PLEKHG1: variants seen among roughly 807,000 people sequenced by gnomAD.
PLEKHG1 encodes pleckstrin homology and RhoGEF domain containing G1.
In PLEKHG1, 44 loss-of-function variants were observed where a neutral mutation model predicts 100.8. The ratio of observed to expected loss-of-function variants is 0.44; its 90% CI spans 0.34 to 0.56. The LOEUF (loss-of-function observed/expected upper bound fraction) is 0.56, where lower values mean the gene tolerates loss of function less well. Ranked by LOEUF, PLEKHG1 falls within the 20% of genes least tolerant of loss-of-function variation. The pLI, the probability that PLEKHG1 is intolerant of heterozygous loss-of-function variation, is 0.01. For missense variants in PLEKHG1, 1,545 were observed against 1,720.9 expected (o/e 0.90, Z 1.81); for synonymous variants, 640 against 662.5 (o/e 0.97, Z 0.52).
chr6:150,804,247 C>A (rs1188659705), intron 6 of PLEKHG1, among the ~76,000 whole-genome samples: 4 of 126,684 alleles, frequency 3.2e-5, no homozygotes, highest in Non-Finnish European at 4.7e-5. Flanking sequence ...AGTGCAGTGG[C>A]CTGATCTCAG....
chr6:150,724,765 T>C (rs528977968), intron 1 of PLEKHG1, among the ~76,000 whole-genome samples: 50 of 152,258 alleles, frequency 3.3e-4, no homozygotes, highest in African/African-American at 9.1e-4. Flanking sequence ...TTCATCATGT[T>C]GGCCAGGCTG....
intron 10 of PLEKHG1, 120 bp downstream of exon 11, chr6:150,809,854 G>T: frequency 1.8e-6 from 1 of 566,340 alleles, no homozygotes; most frequent in Non-Finnish European, 3.0e-6. Flanking sequence ...GGGCGACAGA[G>T]TGAGACTGTC....
intron 3 of PLEKHG1, among the ~76,000 whole-genome samples, chr6:150,697,283 A>G (rs1780583576): frequency 6.6e-6 from 1 of 152,214 alleles, no homozygotes; most frequent in South Asian, 2.1e-4. Context: ...TAAAGTTTCC[A>G]CTGCTGAGTG....
rs1377049802 is a variant in PLEKHG1, at chr6:150,650,286, A to G, written c.-157-442A>G. Among the ~76,000 whole-genome samples, 5 of 152,280 alleles carry G rather than the reference A, an allele frequency of 3.3e-5. No homozygotes were observed. The East Asian group carries it at 9.6e-4, about 29-fold the overall frequency. The stretch of plus-strand genomic sequence containing the variant: ...GCTGCGGTGGAGAAGGATTGAAATC[A>G]GAGCCTCTCCTTCCATTCCCTGCTT... On this transcript the variant is annotated intron_variant, in intron 2 of 3. Transcript: ENST00000367326.
intron 12 of PLEKHG1, 57 bp downstream of exon 13, chr6:150,819,831 C>T (rs1401418318): frequency 1.1e-6 from 1 of 949,442 alleles, no homozygotes; most frequent in East Asian, 2.4e-5. Context: ...CAATGAAAGT[C>T]CCTTTGAGTC....
intron 11 of PLEKHG1, among the ~76,000 whole-genome samples, chr6:150,818,714 C>T (rs1015547195): frequency 6.6e-6 from 1 of 152,282 alleles, no homozygotes; most frequent in East Asian, 1.9e-4. Flanking sequence ...TGTTACAGGT[C>T]CTTCCTATTA....
intron 3 of PLEKHG1, among the ~76,000 whole-genome samples, chr6:150,688,753 A>G (rs4869931): frequency 0.3 from 44,953 of 152,132 alleles, 8,227 homozygotes; most frequent in African/African-American, 0.52. Context: ...CTATGCTAAC[A>G]TGTAAGAGAT....
At chr6:150,689,661 G>A (rs1293309298) in intron 3 of PLEKHG1, among the ~76,000 whole-genome samples, 1 of 152,050 alleles carries the variant, frequency 6.6e-6, no homozygotes, top group Non-Finnish European at 1.5e-5. Flanking sequence ...TCAGGAGTTC[G>A]AGACCAGCCT....
Position 150,830,792 on chromosome 6 carries a change from A to G in PLEKHG1, c.1681A>G (p.Met561Val), listed in dbSNP as rs780989573. The stretch of plus-strand genomic sequence containing the variant: ...TGAGGATGATGAAGATGATTATCAG[A>G]TGTTCGTGCCGTCATTTTCCTCCTC... Residue 561 changes from methionine to valine, a missense_variant, in exon 15 of 16, where the codon ATG (methionine) becomes GTG (valine). By Grantham distance (21) the Met-to-Val change is conservative. Coordinates refer to ENST00000358517, the Ensembl canonical transcript of PLEKHG1. 10 of 1,614,108 alleles carry G rather than the reference A, an allele frequency of 6.2e-6. No homozygotes were observed. In the South Asian group the frequency reaches 1.1e-4, roughly 18 times the overall value.
At chr6:150,658,165 A>G (rs1779042682) in intron 3 of PLEKHG1, among the ~76,000 whole-genome samples, 12 of 152,178 alleles carry the variant, frequency 7.9e-5, no homozygotes, top group Admixed American at 7.8e-4. Flanking sequence ...CAGGGTAGGC[A>G]TACTTCAGAA....
chr6:150,783,301 T>G (rs1028949760), intron 3 of PLEKHG1, among the ~76,000 whole-genome samples: 7 of 151,170 alleles, frequency 4.6e-5, no homozygotes, highest in Non-Finnish European at 1.0e-4. Context: ...AGATCCAATA[T>G]GTGAGTAATA....
intron 15 of PLEKHG1, among the ~76,000 whole-genome samples, chr6:150,832,555 T>TAGG (rs1347098616): frequency 2.0e-5 from 3 of 152,166 alleles, no homozygotes; most frequent in African/African-American, 7.2e-5. Context: ...AGTAATTTTT[T>TAGG]AGGAGGAGGA....
chr6:150,756,757 G>A (rs967168751), intron 2 of PLEKHG1, among the ~76,000 whole-genome samples: 1 of 152,080 alleles, frequency 6.6e-6, no homozygotes, highest in African/African-American at 2.4e-5. Context: ...ACAGTTTCAA[G>A]TCATTTAGCA....
At chr6:150,726,679 T>G (rs1781979257) in intron 1 of PLEKHG1, among the ~76,000 whole-genome samples, 1 of 152,170 alleles carries the variant, frequency 6.6e-6, no homozygotes, top group South Asian at 2.1e-4. Context: ...TTTTCACTCC[T>G]TGGTTCCTTC....
intron 10 of PLEKHG1, among the ~76,000 whole-genome samples, chr6:150,809,967 G>T (rs372975742): frequency 1.5e-4 from 23 of 151,140 alleles, no homozygotes; most frequent in African/African-American, 5.1e-4. Flanking sequence ...TACTAATGAA[G>T]CCCAGCAAGG....
At chr6:150,709,895 C>T (rs1269644552) in intron 3 of PLEKHG1, among the ~76,000 whole-genome samples, 3 of 152,170 alleles carry the variant, frequency 2.0e-5, no homozygotes, top group Non-Finnish European at 4.4e-5. Flanking sequence ...AAGTGATCCT[C>T]CCACCTCAGC....
exon 16 of PLEKHG1, chr6:150,843,453 C>A (rs772124889): frequency 1.3e-5 from 2 of 152,102 alleles, no homozygotes; most frequent in African/African-American, 4.8e-5. Context: ...ATGTATATAA[C>A]GAGGAAAAGT....
intron 1 of PLEKHG1, among the ~76,000 whole-genome samples, chr6:150,626,802 GTGTGTGTGTATGTGTA>G (rs1432423551): frequency 6.6e-6 from 1 of 152,016 alleles, no homozygotes; most frequent in Non-Finnish European, 1.5e-5. Context: ...ATACCACACT[GTGTGTGTGTATGTGTA>G]TGTGTGTGTG....
intron 10 of PLEKHG1, among the ~76,000 whole-genome samples, chr6:150,817,037 C>T (rs1291150228): frequency 2.0e-5 from 3 of 152,234 alleles, no homozygotes; most frequent in Non-Finnish European, 4.4e-5. Flanking sequence ...AAGCTTCTCT[C>T]GCTTGCCCAC....
Sources: allele counts gnomAD v4.1 joint callset (sites outside exome capture counted in the v4.1 genomes callset), GRCh38; gene constraint gnomAD v4.1.1; transcripts MANE v1.5; gene names NCBI Gene and HGNC (gene_info 2026-07-23, HGNC 2026-07-21).